HYDIN: variants seen among roughly 807,000 people sequenced by gnomAD.
The protein encoded by HYDIN is axonemal central pair apparatus protein HYDIN.
Under a neutral mutation model 403.9 loss-of-function variants are expected in HYDIN, and 132 were observed. That is an observed-to-expected ratio of 0.33 (90% CI 0.28 to 0.38). The LOEUF (loss-of-function observed/expected upper bound fraction) is 0.38, where lower values mean the gene tolerates loss of function less well. Among genes scored for constraint, HYDIN ranks in the 10% least tolerant of loss-of-function variants. The probability of loss-of-function intolerance (pLI) is 1.00; values close to 1 mark genes in which losing one functional copy is unlikely to be tolerated. For synonymous variants in HYDIN, 1,202 were observed against 1,891.7 expected, an observed-to-expected ratio of 0.64 and a Z score of 9.46; for missense variants, 2,827 against 5,009.5, an observed-to-expected ratio of 0.56 and a Z score of 13.15.
intron 23 of HYDIN, among the ~76,000 whole-genome samples, chr16:70,994,526 C>T (rs2079466404): frequency 6.6e-6 from 1 of 151,552 alleles, no homozygotes; most frequent in South Asian, 2.1e-4. Flanking sequence ...TGGCTGAAAC[C>T]ACTCCATTAG....
At chr16:70,842,667 C>A (rs1007062730) in intron 75 of HYDIN, among the ~76,000 whole-genome samples, 1 of 151,644 alleles carries the variant, frequency 6.6e-6, no homozygotes, top group African/African-American at 2.4e-5. Context: ...TGATTTTTCC[C>A]ATTATTCTGC....
chr16:71,230,506 G>T, intron 1 of HYDIN, 56 bp downstream of exon 1: 1 of 1,476,174 alleles, frequency 6.8e-7, no homozygotes, highest in South Asian at 1.3e-5. Flanking sequence ...GGACGCCCCG[G>T]TTAGCCCCCA....
chr16:71,071,108 T>G (rs2082455233), intron 13 of HYDIN, among the ~76,000 whole-genome samples: 1 of 146,156 alleles, frequency 6.8e-6, no homozygotes, highest in East Asian at 2.1e-4. Flanking sequence ...CCTTATTTGA[T>G]CTGACCATTT....
intron 10 of HYDIN, among the ~76,000 whole-genome samples, chr16:71,110,026 T>C (rs1409080181): frequency 1.5e-5 from 2 of 131,118 alleles, no homozygotes; most frequent in Non-Finnish European, 3.1e-5. Context: ...CCTATGTCAA[T>C]CCAAAAACTC....
At chr16:70,958,568 G>C (rs888528756) in intron 39 of HYDIN, among the ~76,000 whole-genome samples, 1 of 151,920 alleles carries the variant, frequency 6.6e-6, no homozygotes, top group East Asian at 1.9e-4. Flanking sequence ...GTTTGTGTAG[G>C]GGGTCTTCAA....
At position 70,981,269 on chromosome 16, in the gene HYDIN, G is replaced by A. The variant is rs149820043; in HGVS notation, c.4510+122C>T. On this transcript the variant is annotated intron_variant, in intron 29 of 85. Transcript: ENST00000393567. The stretch of plus-strand genomic sequence containing the variant: ...ACCAATTTGGCAATTGCAGAATAAC[G>A]TGGAAGAGAACCACAGGGCATTTCC... 86 of 1,403,266 alleles carry A rather than the reference G, an allele frequency of 6.1e-5. No homozygotes were observed. The East Asian group carries it at 1.2e-3, about 20-fold the overall frequency. The allele number at this position is 1,403,266 out of a possible 1,614,324, so 86.9% of individuals were successfully genotyped here.
intron 73 of HYDIN, chr16:70,852,623 T>A (rs2038729166): frequency 1.4e-5 from 2 of 147,760 alleles, no homozygotes; most frequent in South Asian, 4.4e-4. Flanking sequence ...ACAAACAGGC[T>A]GAGCAGGAAA....
At chr16:71,131,999 CT>C (rs1186160866) in intron 8 of HYDIN, 1 of 150,974 alleles carries the variant, frequency 6.6e-6, no homozygotes, top group Non-Finnish European at 1.5e-5. Flanking sequence ...AATAATCCCA[CT>C]TTTGTAATAA....
At chr16:70,936,540 A>ATTT (rs58496012) in intron 44 of HYDIN, among the ~76,000 whole-genome samples, 1 of 67,552 alleles carries the variant, frequency 1.5e-5, no homozygotes, top group Non-Finnish European at 5.6e-5. Context: ...GAAAATAAGA[A>ATTT]TTTTTTTTTT....
intron 78 of HYDIN, among the ~76,000 whole-genome samples, chr16:70,834,568 T>C (rs970611640): frequency 6.6e-6 from 1 of 152,020 alleles, no homozygotes; most frequent in African/African-American, 2.4e-5. Context: ...CAGATTCCGG[T>C]TGGGTGCCGT....
At chr16:71,028,358 G>A (rs922349678) in intron 19 of HYDIN, among the ~76,000 whole-genome samples, 2 of 151,858 alleles carry the variant, frequency 1.3e-5, no homozygotes, top group African/African-American at 2.4e-5. Flanking sequence ...GACTGCAATG[G>A]GCCAGAACAC....
At chr16:71,092,507 A>G (rs554326687) in intron 11 of HYDIN, among the ~76,000 whole-genome samples, 6 of 152,352 alleles carry the variant, frequency 3.9e-5, no homozygotes, top group African/African-American at 1.4e-4. Context: ...TTACCCAGCT[A>G]TGAAATGGAA....
At chr16:70,948,550 C>T (rs1368173451) in intron 41 of HYDIN, among the ~76,000 whole-genome samples, 8 of 151,774 alleles carry the variant, frequency 5.3e-5, no homozygotes, top group Non-Finnish European at 8.8e-5. Context: ...ATTTTTGCAA[C>T]CTACTCATCT....
chr16:71,209,323 G>C (rs1474493632), intron 1 of HYDIN, among the ~76,000 whole-genome samples: 1 of 151,396 alleles, frequency 6.6e-6, no homozygotes, highest in Non-Finnish European at 1.5e-5. Context: ...ATGAAGAAAA[G>C]GCTTTCAGTA....
At chr16:71,224,211 T>C (rs1488874072) in intron 1 of HYDIN, among the ~76,000 whole-genome samples, 1 of 152,174 alleles carries the variant, frequency 6.6e-6, no homozygotes, top group Admixed American at 6.5e-5. Flanking sequence ...CCAAATACCA[T>C]ACGTTCTCCC....
At chr16:71,203,325 T>C (rs934826135) in intron 1 of HYDIN, among the ~76,000 whole-genome samples, 4 of 152,202 alleles carry the variant, frequency 2.6e-5, no homozygotes, top group African/African-American at 7.2e-5. Context: ...TTAAGCTGTA[T>C]TGAAGTAAAA....
chr16:70,930,544 G>A (rs544255735), intron 45 of HYDIN, among the ~76,000 whole-genome samples: 1 of 152,216 alleles, frequency 6.6e-6, no homozygotes, highest in South Asian at 2.1e-4. Flanking sequence ...AAGAAGTCCT[G>A]GAGCATTCAG....
chr16:70,914,115 A>G (rs1389711882), intron 47 of HYDIN, among the ~76,000 whole-genome samples: 3 of 152,046 alleles, frequency 2.0e-5, no homozygotes, highest in Admixed American at 2.0e-4. Context: ...AGGCATTTAC[A>G]TTCAATGTTA....
chr16:71,217,005 G>A (rs1449841559), intron 1 of HYDIN, among the ~76,000 whole-genome samples: 1 of 152,178 alleles, frequency 6.6e-6, no homozygotes, highest in Non-Finnish European at 1.5e-5. Flanking sequence ...ACAGCCAGCA[G>A]GCTCACAGGT....
Sources: allele counts gnomAD v4.1 joint callset (sites outside exome capture counted in the v4.1 genomes callset), GRCh38; gene constraint gnomAD v4.1.1; transcripts MANE v1.5; gene names NCBI Gene and HGNC (gene_info 2026-07-23, HGNC 2026-07-21).